ABCG1: variants seen among roughly 807,000 people sequenced by gnomAD.
ABCG1 encodes the protein ATP binding cassette subfamily G member 1.
ABCG1 carries 29 observed loss-of-function variants against 69.2 expected under a neutral mutation model. The ratio of observed to expected loss-of-function variants is 0.42; its 90% CI spans 0.31 to 0.57. ABCG1 has a LOEUF of 0.57. Among genes scored for constraint, ABCG1 ranks in the 20% least tolerant of loss-of-function variants. The pLI is 0.15. For synonymous variants in ABCG1, 370 were observed against 374.8 expected (o/e 0.99, Z 0.15); for missense variants, 718 against 898.1 (o/e 0.80, Z 2.56).
intron 5 of ABCG1, among the ~76,000 whole-genome samples, chr21:42,281,957 G>A (rs2068817878): frequency 6.6e-6 from 1 of 152,224 alleles, no homozygotes; most frequent in African/African-American, 2.4e-5. Flanking sequence ...AACGTGCCCT[G>A]GGCACCTGCC....
chr21:42,246,646 T>C (rs1040481432), intron 2 of ABCG1, among the ~76,000 whole-genome samples: 1 of 152,224 alleles, frequency 6.6e-6, no homozygotes, highest in African/African-American at 2.4e-5. Context: ...TAAAGACACA[T>C]GTATGATTAT....
intron 4 of ABCG1, among the ~76,000 whole-genome samples, chr21:42,275,240 G>A (rs1485551015): frequency 6.6e-6 from 1 of 152,186 alleles, no homozygotes; most frequent in South Asian, 2.1e-4. Context: ...ACAGAAGCAG[G>A]AACCTGTGGG....
rs376393320 is a variant in ABCG1 at position 42,291,041 on chromosome 21, G to C, written c.1394-51G>C. The C allele has an allele frequency of 2.8e-6, 4 of 1,411,288 alleles. No homozygotes were observed. Among genetic ancestry groups the C allele is most frequent in the Admixed American group, 1.7e-5 (1 of 57,894 alleles). 87.4% of individuals were successfully genotyped at this position (1,411,288 alleles called of 1,614,324 possible). ...GATCGCCTGTTGGGATGTTAAACGG[G>C]CTCGCTGCACATGGTCACTGACCCT... On this transcript the variant is annotated intron_variant, in intron 11 of 14. Coordinates refer to ENST00000398449, the MANE Select transcript of ABCG1 (RefSeq NM_016818.3). The surrounding 1 kb of genome is among the most constrained non-coding windows in gnomAD (Gnocchi z 6.4).
At chr21:42,280,868 C>T (rs2123767129) in intron 5 of ABCG1, among the ~76,000 whole-genome samples, 2 of 152,356 alleles carry the variant, frequency 1.3e-5, no homozygotes, top group Admixed American at 1.3e-4. Flanking sequence ...TCGATGCCAG[C>T]TGGGAAGAGG....
At chr21:42,228,036 C>G (rs975936808) in intron 2 of ABCG1, among the ~76,000 whole-genome samples, 13 of 152,236 alleles carry the variant, frequency 8.5e-5, no homozygotes, top group Non-Finnish European at 1.6e-4. Flanking sequence ...AGCCAAACCA[C>G]ATCACCCAGT....
chr21:42,206,275 G>A (rs112945918), intron 2 of ABCG1, among the ~76,000 whole-genome samples: 2,766 of 152,132 alleles, frequency 0.018, 81 homozygotes, highest in African/African-American at 0.062. Flanking sequence ...ACTTGAGCCC[G>A]GGAGGTGGAG....
chr21:42,268,896 G>C (rs1248080692), intron 2 of ABCG1, among the ~76,000 whole-genome samples: 1 of 152,198 alleles, frequency 6.6e-6, no homozygotes, highest in Non-Finnish European at 1.5e-5. Context: ...GCTTCCTCCA[G>C]CCAGGGTGAT....
chr21:42,255,516 C>T (rs926563888), intron 2 of ABCG1, among the ~76,000 whole-genome samples: 3 of 152,092 alleles, frequency 2.0e-5, no homozygotes, highest in African/African-American at 7.2e-5. Flanking sequence ...GTATCATGGC[C>T]TGTGTGTGCA....
rs1356998730 is a variant in ABCG1, at chr21:42,273,402, G to A, written c.504G>A (p.Leu168=). 4.0e-5 allele frequency: 65 copies of A among 1,613,810 alleles called. No individual in the cohort carries two copies. The highest frequency in any genetic ancestry group is 5.3e-5 in the Non-Finnish European group (62 of 1,180,002). The change falls in exon 4 of 15, where the codon CTG becomes CTA. Residue 168 remains leucine (L), a synonymous_variant. Coordinates refer to ENST00000398449, the MANE Select transcript of ABCG1 (RefSeq NM_016818.3). The surrounding 1 kb of genome is among the most constrained non-coding windows in gnomAD (Gnocchi z 5.3). ...GCTACATCATGCAGGATGACATGCT[G>A]CTGCCGCATCTCACTGTGCAGGAGG... is the stretch of plus-strand genomic sequence containing the variant. ...VSCYIMQDDM[L]LPHLTVQEAM...
intron 2 of ABCG1, among the ~76,000 whole-genome samples, chr21:42,243,319 G>A (rs1311973255): frequency 1.3e-5 from 2 of 152,292 alleles, no homozygotes; most frequent in Admixed American, 6.5e-5. Flanking sequence ...GTGGTGGACT[G>A]CTGCACGCCA....
At chr21:42,251,309 A>G (rs1055381255) in intron 2 of ABCG1, among the ~76,000 whole-genome samples, 3 of 152,228 alleles carry the variant, frequency 2.0e-5, no homozygotes, top group Non-Finnish European at 4.4e-5. Flanking sequence ...AATGCTTCAC[A>G]GTCCTGATCT....
rs1366631948 is a variant in ABCG1 at position 42,243,477 on chromosome 21, TGTGTGTGTGTGTGC to T, written c.286+17565_286+17578del. Among the ~76,000 whole-genome samples the T allele has an allele frequency of 6.9e-4, 104 of 150,996 alleles. 1 individual carries two copies. Among genetic ancestry groups the T allele is most frequent in the Non-Finnish European group, 1.0e-3 (71 of 67,742 alleles). On this transcript the variant is annotated intron_variant, in intron 2 of 14. Coordinates refer to ENST00000398449, the MANE Select transcript of ABCG1 (RefSeq NM_016818.3). ...GTGTGTGTGTGTGTGTGTGTGTGTG[TGTGTGTGTGTGTGC>T]GCTGGTTTATAATATCACCTGGGCG...
chr21:42,294,063 C>T (rs553802310), intron 13 of ABCG1, among the ~76,000 whole-genome samples: 15 of 152,194 alleles, frequency 9.9e-5, no homozygotes, highest in South Asian at 2.1e-4. Context: ...CCCTGAGTCG[C>T]GGCGGTTGCT....
At chr21:42,248,285 G>C (rs1035012951) in intron 2 of ABCG1, among the ~76,000 whole-genome samples, 1 of 152,224 alleles carries the variant, frequency 6.6e-6, no homozygotes, top group African/African-American at 2.4e-5. Context: ...TAGAGGATTG[G>C]TGTGAGAGTG....
intron 2 of ABCG1, among the ~76,000 whole-genome samples, chr21:42,255,897 C>T (rs2068296212): frequency 2.0e-5 from 3 of 152,184 alleles, no homozygotes; most frequent in African/African-American, 7.2e-5. Context: ...GAGAATGGGG[C>T]TATGGTTGAT....
At position 42,276,777 on chromosome 21, in the gene ABCG1, G is replaced by A. The variant is rs2068719153; in HGVS notation, c.538-118G>A. The A allele has an allele frequency of 3.0e-6, 3 of 999,042 alleles. No individual in the cohort carries two copies. The highest frequency in any genetic ancestry group is 3.7e-5 in the Admixed American group (2 of 54,576). The allele number at this position is 999,042 out of a possible 1,614,324, so 61.9% of individuals were successfully genotyped here. ...TGTGGGTAGCTGCACCGTGGCTAGTGGCACTGTGGCTAGCTGCATCTTGGC... is the reference window on the plus strand; with the variant it reads ...TGTGGGTAGCTGCACCGTGGCTAGTAGCACTGTGGCTAGCTGCATCTTGGC... On this transcript the variant is annotated intron_variant, in intron 4 of 14. Coordinates refer to ENST00000398449, the MANE Select transcript of ABCG1 (RefSeq NM_016818.3). The surrounding 1 kb of genome is among the most constrained non-coding windows in gnomAD (Gnocchi z 5.3).
intron 2 of ABCG1, among the ~76,000 whole-genome samples, chr21:42,264,978 G>A (rs1403528930): frequency 6.6e-6 from 1 of 152,196 alleles, no homozygotes; most frequent in Non-Finnish European, 1.5e-5. Flanking sequence ...GAGTGGGAGG[G>A]TGCCACCTCT....
intron 2 of ABCG1, among the ~76,000 whole-genome samples, chr21:42,207,878 A>G (rs925402572): frequency 1.3e-5 from 2 of 152,214 alleles, no homozygotes; most frequent in African/African-American, 4.8e-5. Context: ...GGTGGTGGTG[A>G]AAGTCCTGAC....
At chr21:42,210,037 A>G (rs2067574012) in intron 2 of ABCG1, among the ~76,000 whole-genome samples, 1 of 151,194 alleles carries the variant, frequency 6.6e-6, no homozygotes, top group Non-Finnish European at 1.5e-5. Flanking sequence ...GGCTGATGAA[A>G]GGGCTTTGTC....
Sources: gnomAD v4.1 joint callset for allele counts (sites outside exome capture counted in the v4.1 genomes callset) on GRCh38, gnomAD v4.1.1 for gene constraint, Gnocchi (gnomAD v3.1) non-coding constraint, MANE v1.5 for transcripts, NCBI Gene and HGNC (gene_info 2026-07-23, HGNC 2026-07-21) for gene names.